ZNF655: variants seen among roughly 807,000 people sequenced by gnomAD.
ZNF655 encodes Vav-interacting Kruppel-like protein 1.
A neutral mutation model predicts 6.6 loss-of-function variants in ZNF655; 3 were observed. The ratio of observed to expected loss-of-function variants is 0.46; its 90% confidence interval spans 0.21 to 1.18. ZNF655 has a LOEUF of 1.18. Ranked by LOEUF, ZNF655 falls within the 50% of genes most tolerant of loss-of-function variation. The probability of loss-of-function intolerance (pLI) is 0.24; values close to 1 mark genes in which losing one functional copy is unlikely to be tolerated. For synonymous variants in ZNF655, 178 were observed against 195.0 expected (o/e 0.91, Z 0.73); for missense variants, 526 against 572.3 (o/e 0.92, Z 0.83).
At position 99,560,711 on chromosome 7, in the gene ZNF655, C is replaced by T. The variant is rs1274522343; in HGVS notation, c.136+16C>T. On this transcript the variant is annotated intron_variant, in intron 2 of 2. Coordinates refer to ENST00000252713, the MANE Select transcript of ZNF655 (RefSeq NM_138494.3). ...CTCACTGGGGGTAAGGCAGAGAAAG[C>T]ACTTCCGTCTGGGAGAGTGGGAGTG... The T allele has an allele frequency of 6.2e-7, 1 of 1,612,378 alleles. No homozygotes were observed. Among genetic ancestry groups the T allele is most frequent in the Non-Finnish European group, 8.5e-7 (1 of 1,178,796 alleles).
chr7:99,561,981 G>A (rs1472020015), intron 2 of ZNF655: 1 of 1,575,072 alleles, frequency 6.3e-7, no homozygotes, highest in East Asian at 2.4e-5. Context: ...CAGGTGAGCT[G>A]AGGAACCCTC....
At chr7:99,569,415 C>G (rs73713515) in intron 2 of ZNF655, among the ~76,000 whole-genome samples, 73 of 152,182 alleles carry the variant, frequency 4.8e-4, no homozygotes, top group African/African-American at 1.8e-3. Context: ...GGATTTTGTT[C>G]ACAGTCATTA....
In ZNF655 at chr7:99,573,553, A is replaced by T; in HGVS notation, c.1445A>T (p.His482Leu). The change falls in exon 3 of 3, where the codon CAT becomes CTT. Residue 482 changes from histidine to leucine, a missense_variant. By Grantham distance (99) the His-to-Leu change is moderately conservative (BLOSUM62 -3). Transcript: ENST00000252713. ...AGTCAGAGAGCACATCTAGTTCAACATCAGAGCATTCATACCAAAGAGAAC... is the reference window on the plus strand; with the variant it reads ...AGTCAGAGAGCACATCTAGTTCAACTTCAGAGCATTCATACCAAAGAGAAC... ...NSSQRAHLVQ[H>L]QSIHTKENS 1.2e-6 allele frequency: 2 copies of T among 1,606,244 alleles called. No individual in the cohort carries two copies. The highest frequency in any genetic ancestry group is 2.2e-5 in the East Asian group (1 of 44,856).
At chr7:99,568,440 CAG>C (rs1409123561) in intron 2 of ZNF655, among the ~76,000 whole-genome samples, 1 of 151,762 alleles carries the variant, frequency 6.6e-6, no homozygotes, top group Non-Finnish European at 1.5e-5. Flanking sequence ...TTAGTAGAGA[CAG>C]GGTTTCACCG....
chr7:99,564,127 T>C, intron 2 of ZNF655: 1 of 1,507,076 alleles, frequency 6.6e-7, no homozygotes, highest in Admixed American at 2.4e-5. Flanking sequence ...TCGCAGCTCC[T>C]CAAATTACCT....
In ZNF655 at chr7:99,560,750, G is replaced by GA; in HGVS notation, c.136+56dup. On this transcript the variant is annotated intron_variant, in intron 2 of 2. Coordinates refer to ENST00000252713, the MANE Select transcript of ZNF655 (RefSeq NM_138494.3). ...AGAGTGGGAGTGCGGAGGGGCTCCCGAGGGGGCTCCTGGGCCTGGTTTGAG... is the reference window on the plus strand; with the variant it reads ...AGAGTGGGAGTGCGGAGGGGCTCCCGAAGGGGGCTCCTGGGCCTGGTTTGAG... 1.9e-6 allele frequency: 3 copies of GA among 1,590,238 alleles called. No homozygotes were observed. In the South Asian group the frequency reaches 3.4e-5, roughly 18 times the overall value.
At position 99,575,880 on chromosome 7, in the gene ZNF655, A is replaced by G. The variant is rs1804366537; in HGVS notation, c.*2296A>G. The G allele has an allele frequency of 6.6e-6, 1 of 152,218 alleles. No homozygotes were observed. The highest frequency in any genetic ancestry group is 2.4e-5 in the African/African-American group (1 of 41,452). 9.4% of individuals were successfully genotyped at this position (152,218 alleles called of 1,614,324 possible). On this transcript the variant is annotated 3_prime_UTR_variant, in exon 3 of 3. Transcript: ENST00000252713. ...TTTTGACTGATAAAAGTGATTACAGATGTTGGCTCAAGTTCAGGGCCACCA... is the reference window on the plus strand; with the variant it reads ...TTTTGACTGATAAAAGTGATTACAGGTGTTGGCTCAAGTTCAGGGCCACCA...
At position 99,560,062 on chromosome 7, in the gene ZNF655, T is replaced by C. The variant is rs1224138382; in HGVS notation, c.-27-471T>C. ...TTCTTAAGTATTTAAAGCTGAAGCA[T>C]ATCCATATTTCTTTTTCTTTTTTTT... On this transcript the variant is annotated intron_variant, in intron 1 of 2. Transcript: ENST00000252713. Among the ~76,000 whole-genome samples the C allele has an allele frequency of 6.6e-5, 10 of 151,946 alleles. No individual in the cohort carries two copies. The East Asian group carries it at 1.9e-3, about 29-fold the overall frequency.
intron 2 of ZNF655, among the ~76,000 whole-genome samples, chr7:99,565,469 C>T (rs954980488): frequency 2.0e-5 from 3 of 152,204 alleles, no homozygotes; most frequent in Non-Finnish European, 4.4e-5. Flanking sequence ...TGCGCCTGGC[C>T]TCCAGATTGT....
chr7:99,559,532 C>T (rs941001004), intron 1 of ZNF655, among the ~76,000 whole-genome samples: 13 of 152,142 alleles, frequency 8.5e-5, no homozygotes, highest in African/African-American at 2.9e-4. Context: ...ACTCCCATCT[C>T]TGCTAAAACA....
At position 99,576,207 on chromosome 7, in the gene ZNF655, G is replaced by A. The variant is rs1804386606; in HGVS notation, c.*2623G>A. ...GTAGGATTTCATCAAGGCAAGGTAG[G>A]AATCTAAATGAAATTGATATATAAA... On this transcript the variant is annotated 3_prime_UTR_variant, in exon 3 of 3. Transcript: ENST00000252713. 1 of 152,584 alleles carries A rather than the reference G, an allele frequency of 6.6e-6. No individual in the cohort carries two copies. The highest frequency in any genetic ancestry group is 2.4e-5 in the African/African-American group (1 of 41,424). 9.5% of individuals were successfully genotyped at this position (152,584 alleles called of 1,614,324 possible). A position where few individuals can be genotyped will look rare whatever the true frequency, so the allele number is the denominator to read the frequency against.
intron 2 of ZNF655, among the ~76,000 whole-genome samples, chr7:99,567,153 C>T (rs896510706): frequency 6.6e-6 from 1 of 152,140 alleles, no homozygotes; most frequent in African/African-American, 2.4e-5. Flanking sequence ...CTCTTGGCCT[C>T]ATGTGTTCCA....
At chr7:99,569,732 C>G (rs935622020) in intron 2 of ZNF655, among the ~76,000 whole-genome samples, 3 of 152,138 alleles carry the variant, frequency 2.0e-5, no homozygotes, top group African/African-American at 7.2e-5. Context: ...TTTGATGGTA[C>G]TGATGATACC....
At chr7:99,571,035 T>C in intron 2 of ZNF655, 1 of 268,356 alleles carries the variant, frequency 3.7e-6, no homozygotes, top group Non-Finnish European at 7.5e-6. Context: ...TGTCTCTGTG[T>C]AGAGTGTGAG....
At chr7:99,560,846 GT>G in intron 2 of ZNF655, 151 bp downstream of exon 2, 1 of 906,804 alleles carries the variant, frequency 1.1e-6, no homozygotes, top group Non-Finnish European at 1.6e-6. Context: ...ATGTGACTCA[GT>G]TCAGTCCTAG....
At chr7:99,568,261 ATTT>A (rs548893044) in intron 2 of ZNF655, among the ~76,000 whole-genome samples, 1 of 132,680 alleles carries the variant, frequency 7.5e-6, no homozygotes, top group African/African-American at 2.8e-5. Flanking sequence ...AGGGATTTGG[ATTT>A]TTTTTTTTTT....
chr7:99,561,312 G>A (rs529575973), intron 2 of ZNF655, among the ~76,000 whole-genome samples: 1 of 152,186 alleles, frequency 6.6e-6, no homozygotes, highest in Non-Finnish European at 1.5e-5. Flanking sequence ...GATTGCCTGT[G>A]GTTAACTCTA....
At chr7:99,559,298 G>A (rs1040865765) in intron 1 of ZNF655, among the ~76,000 whole-genome samples, 2 of 152,210 alleles carry the variant, frequency 1.3e-5, no homozygotes, top group African/African-American at 4.8e-5. Context: ...GACCCCAAAA[G>A]TGGAGTTTTA....
chr7:99,572,638 A>G lies in ZNF655; in HGVS notation c.530A>G (p.His177Arg). 1.2e-6 allele frequency: 2 copies of G among 1,613,708 alleles called. No homozygotes were observed. Among genetic ancestry groups the G allele is most frequent in the Non-Finnish European group, 1.7e-6 (2 of 1,179,910 alleles). Residue 177 changes from histidine (H) to arginine (R), a missense_variant, in exon 3 of 3, where the codon CAC (histidine) becomes CGC (arginine). His to Arg is a conservative substitution (Grantham distance 29). Coordinates refer to ENST00000252713, the MANE Select transcript of ZNF655 (RefSeq NM_138494.3). ...AATTCAGCCTCTGGTAAACATGAAC[A>G]CTTAAATCTAACAGAGGATTTTCAG... Reference protein sequence around the residue: ...NQNSASGKHEHLNLTEDFQSS... With the variant: ...NQNSASGKHERLNLTEDFQSS...
Sources: allele counts gnomAD v4.1 joint callset (sites outside exome capture counted in the v4.1 genomes callset), GRCh38; gene constraint gnomAD v4.1.1; transcripts MANE v1.5; gene names NCBI Gene and HGNC (gene_info 2026-07-23, HGNC 2026-07-21).